BBS9: variants seen among roughly 807,000 people sequenced by gnomAD.
The protein encoded by BBS9 is Bardet-Biedl syndrome 9, also known as protein PTHB1.
A neutral mutation model predicts 117.7 loss-of-function variants in BBS9; 89 were observed. That is an observed-to-expected ratio of 0.76 (90% CI 0.64 to 0.90). The LOEUF (loss-of-function observed/expected upper bound fraction) is 0.90. Among genes scored for constraint, BBS9 ranks in the 40% least tolerant of loss-of-function variants. The pLI, the probability that BBS9 is intolerant of heterozygous loss-of-function variation, is 0.00. For synonymous variants in BBS9, 379 were observed against 370.9 expected, an observed-to-expected ratio of 1.02 and a Z score of -0.25; for missense variants, 982 against 1,042.2, an observed-to-expected ratio of 0.94 and a Z score of 0.80.
chr7:33,607,735 A>C (rs1051468513), downstream of BBS9, among the ~76,000 whole-genome samples: 1 of 152,202 alleles, frequency 6.6e-6, no homozygotes, highest in Admixed American at 6.6e-5. Context: ...TTTAAAAAAA[A>C]TTACTGATAG....
intron 19 of BBS9, among the ~76,000 whole-genome samples, chr7:33,395,110 C>T (rs149535958): frequency 0.01 from 1,588 of 152,260 alleles, 20 homozygotes; most frequent in South Asian, 0.011. Context: ...GTTCATGCTA[C>T]GTATATGTAT....
chr7:33,172,157 G>A (rs530530616), intron 4 of BBS9, among the ~76,000 whole-genome samples: 2 of 152,164 alleles, frequency 1.3e-5, no homozygotes, highest in Non-Finnish European at 2.9e-5. Context: ...GAGGTGGGCC[G>A]ATCATGAAGT....
chr7:33,500,488 T>C (rs1205256600), intron 19 of BBS9, among the ~76,000 whole-genome samples: 1 of 152,230 alleles, frequency 6.6e-6, no homozygotes, highest in Admixed American at 6.5e-5. Flanking sequence ...AGCTTCTGTT[T>C]CCTCATCGGG....
intron 19 of BBS9, among the ~76,000 whole-genome samples, chr7:33,457,877 A>G (rs1226315204): frequency 1.3e-5 from 2 of 152,172 alleles, no homozygotes; most frequent in Non-Finnish European, 2.9e-5. Flanking sequence ...AAATCACCCT[A>G]TCGTTTGCCA....
At chr7:33,580,964 A>C (rs1371981851) in intron 21 of BBS9, among the ~76,000 whole-genome samples, 2 of 152,128 alleles carry the variant, frequency 1.3e-5, no homozygotes, top group Non-Finnish European at 2.9e-5. Context: ...GTTGTTTTGA[A>C]CATTGGTAAG....
chr7:33,272,960 C>G, intron 7 of BBS9, 52 bp from the exon 8 acceptor site: 1 of 1,568,384 alleles, frequency 6.4e-7, no homozygotes. Context: ...ATGAAAATAA[C>G]TGAAATTTTC....
chr7:33,183,498 A>G (rs761963444), intron 5 of BBS9, among the ~76,000 whole-genome samples: 37 of 152,188 alleles, frequency 2.4e-4, no homozygotes, highest in Non-Finnish European at 4.4e-4. Flanking sequence ...TTATTACCCT[A>G]CTTTAACCAG....
At chr7:33,212,683 C>T (rs1209683086) in intron 5 of BBS9, among the ~76,000 whole-genome samples, 1 of 152,132 alleles carries the variant, frequency 6.6e-6, no homozygotes, top group African/African-American at 2.4e-5. Context: ...TTGTTTGTGC[C>T]TGTCCTTGAG....
At chr7:33,448,921 C>A (rs1187123750) in intron 19 of BBS9, among the ~76,000 whole-genome samples, 2 of 152,230 alleles carry the variant, frequency 1.3e-5, no homozygotes, top group Non-Finnish European at 2.9e-5. Flanking sequence ...TATATTGACT[C>A]ATTTCCTCCC....
intron 5 of BBS9, among the ~76,000 whole-genome samples, chr7:33,228,339 C>T (rs1791691427): frequency 6.6e-6 from 1 of 151,890 alleles, no homozygotes; most frequent in African/African-American, 2.4e-5. Flanking sequence ...TTAGTTGAAG[C>T]AATTAAAAAT....
chr7:33,406,482 G>A (rs1415904672), intron 19 of BBS9, among the ~76,000 whole-genome samples: 1 of 151,624 alleles, frequency 6.6e-6, no homozygotes, highest in Non-Finnish European at 1.5e-5. Context: ...TCATTATGAT[G>A]TTAGCTGGTT....
chr7:33,611,090 A>G (rs1218208165), intron 21 of BBS9, among the ~76,000 whole-genome samples: 1 of 152,090 alleles, frequency 6.6e-6, no homozygotes, highest in Admixed American at 6.6e-5. Flanking sequence ...CTCCAGGATC[A>G]TCAGATTGGA....
At chr7:33,208,622 C>G (rs1318324402) in intron 5 of BBS9, among the ~76,000 whole-genome samples, 1 of 152,172 alleles carries the variant, frequency 6.6e-6, no homozygotes, top group East Asian at 1.9e-4. Flanking sequence ...TAGCAGTGGG[C>G]TGATGGTAGA....
At chr7:33,618,022 TAAAG>T (rs1003133960) in intron 21 of BBS9, among the ~76,000 whole-genome samples, 2 of 152,152 alleles carry the variant, frequency 1.3e-5, no homozygotes, top group African/African-American at 4.8e-5. Flanking sequence ...CAAGAAATGT[TAAAG>T]AGAGTTCTTC....
intron 9 of BBS9, among the ~76,000 whole-genome samples, chr7:33,332,678 AAACAACAACAACAAC>A (rs147419035): frequency 1.1e-4 from 16 of 149,942 alleles, no homozygotes; most frequent in Admixed American, 8.6e-4. Context: ...CTCCATGTCA[AAACAACAACAACAAC>A]AACAACAACA....
intron 5 of BBS9, among the ~76,000 whole-genome samples, chr7:33,225,740 A>G (rs1397120961): frequency 6.9e-6 from 1 of 144,158 alleles, no homozygotes; most frequent in African/African-American, 2.6e-5. Context: ...TTTGAAGATC[A>G]CAGTGTGGGT....
At chr7:33,409,191 T>G (rs1830652557) in intron 19 of BBS9, among the ~76,000 whole-genome samples, 1 of 152,232 alleles carries the variant, frequency 6.6e-6, no homozygotes, top group Admixed American at 6.5e-5. Context: ...TTGTTTTTGT[T>G]GCAATTGTGT....
intron 21 of BBS9, among the ~76,000 whole-genome samples, chr7:33,614,861 G>A (rs1865054062): frequency 6.6e-6 from 1 of 152,018 alleles, no homozygotes; most frequent in Non-Finnish European, 1.5e-5. Context: ...ATATGCCAGA[G>A]CATCCTATCC....
chr7:33,188,829 G>A (rs769827774), intron 5 of BBS9, among the ~76,000 whole-genome samples: 31 of 152,124 alleles, frequency 2.0e-4, no homozygotes, highest in Admixed American at 1.7e-3. Flanking sequence ...CCAAAGGAAA[G>A]GTGCTTTGTA....
Sources: allele counts gnomAD v4.1 joint callset (sites outside exome capture counted in the v4.1 genomes callset), GRCh38; gene constraint gnomAD v4.1.1; transcripts MANE v1.5; gene names NCBI Gene and HGNC (gene_info 2026-07-23, HGNC 2026-07-21).